The following ARHGAP24 variants were observed in gnomAD, a reference collection of about 807,000 sequenced individuals.
ARHGAP24 encodes Rho GTPase activating protein 24.
Under a neutral mutation model 76.4 loss-of-function variants are expected in ARHGAP24, and 50 were observed. The ratio of observed to expected loss-of-function variants is 0.65; its 90% confidence interval spans 0.52 to 0.83. The LOEUF is 0.83. Among genes scored for constraint, ARHGAP24 ranks in the 40% least tolerant of loss-of-function variants. The pLI, the probability that ARHGAP24 is intolerant of heterozygous loss-of-function variation, is 0.00. For synonymous variants in ARHGAP24, 345 were observed against 323.3 expected (o/e 1.07, Z -0.72); for missense variants, 930 against 914.2 (o/e 1.02, Z -0.22).
intron 3 of ARHGAP24, chr4:85,778,743 A>G: frequency 1.0e-6 from 1 of 985,360 alleles, no homozygotes; most frequent in Non-Finnish European, 1.2e-6. Flanking sequence ...GAAGGAGGAG[A>G]AAGAAAATTA....
At chr4:85,906,279 T>C (rs1734764274) in intron 3 of ARHGAP24, among the ~76,000 whole-genome samples, 2 of 152,252 alleles carry the variant, frequency 1.3e-5, no homozygotes, top group African/African-American at 4.8e-5. Context: ...TATAGTCAAA[T>C]AAATGAGGAC....
intron 9 of ARHGAP24, chr4:85,999,769 T>C (rs562607737): frequency 5.8e-4 from 88 of 152,320 alleles, no homozygotes; most frequent in African/African-American, 1.6e-3. Flanking sequence ...CCAAAAGCTA[T>C]ACAAAACAAC....
chr4:85,750,377 T>C (rs1374532151), intron 3 of ARHGAP24, among the ~76,000 whole-genome samples: 1 of 151,070 alleles, frequency 6.6e-6, no homozygotes, highest in African/African-American at 2.4e-5. Flanking sequence ...ACTGGGAGGG[T>C]CAAGATGACT....
intron 3 of ARHGAP24, among the ~76,000 whole-genome samples, chr4:85,753,827 T>A (rs1237768418): frequency 6.6e-6 from 1 of 152,236 alleles, no homozygotes; most frequent in Non-Finnish European, 1.5e-5. Context: ...TTTCAATACC[T>A]ATATACAATG....
chr4:85,996,715 G>C (rs111735916), intron 9 of ARHGAP24, among the ~76,000 whole-genome samples: 3,504 of 152,180 alleles, frequency 0.023, 139 homozygotes, highest in African/African-American at 0.08. Flanking sequence ...ATATAATGGA[G>C]AGTGACAGGA....
chr4:85,519,877 G>A (rs937789024), intron 1 of ARHGAP24, among the ~76,000 whole-genome samples: 7 of 152,204 alleles, frequency 4.6e-5, no homozygotes, highest in Admixed American at 1.3e-4. Context: ...TGTCCCGACT[G>A]TGGTGTGGAT....
chr4:85,764,911 A>ATACT (rs1439439826), intron 3 of ARHGAP24, among the ~76,000 whole-genome samples: 1 of 152,156 alleles, frequency 6.6e-6, no homozygotes, highest in Non-Finnish European at 1.5e-5. Flanking sequence ...ACAAACCAGT[A>ATACT]TACTTGTTCC....
chr4:85,533,672 T>C (rs771355259), intron 1 of ARHGAP24, among the ~76,000 whole-genome samples: 1 of 152,178 alleles, frequency 6.6e-6, no homozygotes, highest in Non-Finnish European at 1.5e-5. Context: ...GAAATATATC[T>C]TTCAGTCTCT....
At chr4:85,538,134 T>TCTCC (rs1725542976) in intron 1 of ARHGAP24, among the ~76,000 whole-genome samples, 1 of 152,152 alleles carries the variant, frequency 6.6e-6, no homozygotes, top group East Asian at 1.9e-4. Flanking sequence ...TTCACAGGTT[T>TCTCC]CTCCTTTCTA....
chr4:85,604,831 G>T (rs993389412), intron 2 of ARHGAP24, among the ~76,000 whole-genome samples: 1 of 151,978 alleles, frequency 6.6e-6, no homozygotes, highest in Non-Finnish European at 1.5e-5. Context: ...GCCCACATTG[G>T]CCTCCCAAAG....
At position 85,995,646 on chromosome 4, in the gene ARHGAP24, C is replaced by T; in HGVS notation, c.1992C>T (p.Ser664=). The T allele has an allele frequency of 1.2e-6, 2 of 1,613,718 alleles. No individual in the cohort carries two copies. Among genetic ancestry groups the T allele is most frequent in the Non-Finnish European group, 1.7e-6 (2 of 1,179,926 alleles). ...CCAAACAGAAGATAGAGTATGAGTC[C>T]AGGATAAAGAGGTAAGGAAAATCTG... ...EMTKQKIEYE[S]RIKSLEQRNL... Residue 664 remains serine (S), a synonymous_variant, in exon 9 of 10, where the codon TCC becomes TCT. Coordinates refer to ENST00000395184, the MANE Select transcript of ARHGAP24 (RefSeq NM_001025616.3).
At chr4:85,558,614 C>G (rs1186630413) in intron 1 of ARHGAP24, among the ~76,000 whole-genome samples, 1 of 152,122 alleles carries the variant, frequency 6.6e-6, no homozygotes, top group Non-Finnish European at 1.5e-5. Flanking sequence ...GTCCATACCT[C>G]CATATAAGAA....
At chr4:85,597,439 T>C (rs1449842958) in intron 2 of ARHGAP24, among the ~76,000 whole-genome samples, 1 of 151,750 alleles carries the variant, frequency 6.6e-6, no homozygotes, top group African/African-American at 2.4e-5. Flanking sequence ...GAGGGACGGA[T>C]GGGGAAGGAG....
intron 1 of ARHGAP24, among the ~76,000 whole-genome samples, chr4:85,549,961 C>T (rs1356254521): frequency 3.3e-5 from 5 of 152,168 alleles, no homozygotes; most frequent in Non-Finnish European, 5.9e-5. Flanking sequence ...ACATAGTATT[C>T]CATGGTACAT....
intron 1 of ARHGAP24, among the ~76,000 whole-genome samples, chr4:85,481,456 T>G (rs1267297169): frequency 6.6e-6 from 1 of 152,126 alleles, no homozygotes; most frequent in East Asian, 1.9e-4. Context: ...GCCTTGGAGC[T>G]CTCTTGCAGG....
intron 3 of ARHGAP24, among the ~76,000 whole-genome samples, chr4:85,876,607 CA>C (rs764949387): frequency 3.3e-5 from 5 of 152,154 alleles, no homozygotes; most frequent in Non-Finnish European, 7.3e-5. Context: ...GTGCCAAGGT[CA>C]ATCACATTTT....
chr4:85,918,446 T>C (rs1360819469), intron 3 of ARHGAP24, among the ~76,000 whole-genome samples: 1 of 151,942 alleles, frequency 6.6e-6, no homozygotes, highest in Non-Finnish European at 1.5e-5. Flanking sequence ...TCAAATGTAT[T>C]TATTAAAAGT....
chr4:85,697,535 G>T (rs1309914272), intron 2 of ARHGAP24, among the ~76,000 whole-genome samples: 9 of 152,194 alleles, frequency 5.9e-5, no homozygotes, highest in African/African-American at 2.2e-4. Flanking sequence ...CATAAAACCA[G>T]TGAACATACT....
intron 3 of ARHGAP24, among the ~76,000 whole-genome samples, chr4:85,875,659 A>G (rs923421641): frequency 7.8e-6 from 1 of 128,444 alleles, no homozygotes; most frequent in African/African-American, 2.9e-5. Flanking sequence ...ATTATATATA[A>G]TATAACATAA....
Sources: allele counts gnomAD v4.1 joint callset (sites outside exome capture counted in the v4.1 genomes callset), GRCh38; gene constraint gnomAD v4.1.1; transcripts MANE v1.5; gene names NCBI Gene and HGNC (gene_info 2026-07-23, HGNC 2026-07-21).